CYP27B1: variants seen among roughly 807,000 people sequenced by gnomAD.
CYP27B1 encodes 25-hydroxyvitamin D-1 alpha hydroxylase, mitochondrial.
Under a neutral mutation model 54.8 loss-of-function variants are expected in CYP27B1, and 46 were observed. The observed-to-expected ratio is 0.84, with a 90% CI of 0.66 to 1.07. The LOEUF (loss-of-function observed/expected upper bound fraction) is 1.07. CYP27B1 is among the 50% of genes least tolerant of loss of function. The pLI, the probability that CYP27B1 is intolerant of heterozygous loss-of-function variation, is 0.00. For missense variants in CYP27B1, 674 were observed against 692.2 expected (o/e 0.97, Z 0.30); for synonymous variants, 292 against 297.3 (o/e 0.98, Z 0.18).
At chr12:57,766,631 G>A (rs1955363450) in intron 1 of CYP27B1, 2 of 618,368 alleles carry the variant, frequency 3.2e-6, no homozygotes, top group African/African-American at 3.7e-5. Flanking sequence ...TCAGGACAGC[G>A]AGAAGGCGCT....
In CYP27B1 at chr12:57,765,774, G is replaced by A; in HGVS notation, c.386+233C>T. On this transcript the variant is annotated intron_variant, in intron 2 of 8. Coordinates refer to ENST00000228606, the MANE Select transcript of CYP27B1 (RefSeq NM_000785.4). This position sits in a 1 kb window ranked among gnomAD's most constrained non-coding sequence, Gnocchi z 5.8. ...CTTGTACCCTAGCCCAATTCCTCCG[G>A]TTCCCCCAGTTCCCAGGATTCGGGC... 2.3e-6 allele frequency: 2 copies of A among 865,356 alleles called. No individual in the cohort carries two copies. Among genetic ancestry groups the A allele is most frequent in the Non-Finnish European group, 3.5e-6 (2 of 574,232 alleles). 53.6% of individuals were successfully genotyped at this position (865,356 alleles called of 1,614,324 possible). A position where few individuals can be genotyped will look rare whatever the true frequency, so the allele number is the denominator to read the frequency against.
chr12:57,763,082 C>CA lies in CYP27B1; in HGVS notation c.*59dup, dbSNP rs1458785705. On this transcript the variant is annotated 3_prime_UTR_variant, in exon 9 of 9. Transcript: ENST00000228606. ...GATGTATACCTTGGTCTTGTGCCTA[C>CA]AAAAAATCTTATCCCTATGATGAAT... is the stretch of plus-strand genomic sequence containing the variant. 1.6e-6 allele frequency: 2 copies of CA among 1,271,598 alleles called. No individual in the cohort carries two copies. The highest frequency in any genetic ancestry group is 1.8e-5 in the Admixed American group (1 of 55,252). 78.8% of individuals were successfully genotyped at this position (1,271,598 alleles called of 1,614,324 possible). A position where few individuals can be genotyped will look rare whatever the true frequency, so the allele number is the denominator to read the frequency against.
chr12:57,764,201 GACA>G (rs2140396430), intron 6 of CYP27B1, 25 bp from the exon 7 acceptor site: 3 of 1,600,120 alleles, frequency 1.9e-6, no homozygotes, highest in Non-Finnish European at 2.6e-6. Flanking sequence ...ACAAAATGGA[GACA>G]ACAAGATGAG....
chr12:57,763,062 A>C lies in CYP27B1; in HGVS notation c.*80T>G. 1 of 980,662 alleles carries C rather than the reference A, an allele frequency of 1.0e-6. No homozygotes were observed. The highest frequency in any genetic ancestry group is 1.4e-5 in the South Asian group (1 of 73,084). The allele number at this position is 980,662 out of a possible 1,614,324, so 60.7% of individuals were successfully genotyped here. A position where few individuals can be genotyped will look rare whatever the true frequency, so the allele number is the denominator to read the frequency against. On this transcript the variant is annotated 3_prime_UTR_variant, in exon 9 of 9. Coordinates refer to ENST00000228606, the MANE Select transcript of CYP27B1 (RefSeq NM_000785.4). ...TCAGATAGGCATTAGGGGAAGATGT[A>C]TACCTTGGTCTTGTGCCTACAAAAA...
At chr12:57,763,288 A>C (rs1421065534) in intron 8 of CYP27B1, 33 bp from the exon 9 acceptor site, 1 of 1,476,986 alleles carries the variant, frequency 6.8e-7, no homozygotes, top group African/African-American at 1.4e-5. Context: ...ATTACTATGA[A>C]AGATATCTAT....
rs1295478192 is a variant in CYP27B1, at chr12:57,765,629, A to C, written c.387-130T>G. The C allele has an allele frequency of 1.9e-6, 2 of 1,041,360 alleles. No homozygotes were observed. The highest frequency in any genetic ancestry group is 3.2e-5 in the African/African-American group (2 of 63,116). 64.5% of individuals were successfully genotyped at this position (1,041,360 alleles called of 1,614,324 possible). A position where few individuals can be genotyped will look rare whatever the true frequency, so the allele number is the denominator to read the frequency against. On this transcript the variant is annotated intron_variant, in intron 2 of 8. Coordinates refer to ENST00000228606, the MANE Select transcript of CYP27B1 (RefSeq NM_000785.4). The surrounding 1 kb of genome is among the most constrained non-coding windows in gnomAD (Gnocchi z 5.8). ...GCGTCTGCCCCCTTGGGGTACGGAA[A>C]CCTGCACCGGCCTGCGCCTGTCTTC...
At position 57,763,690 on chromosome 12, in the gene CYP27B1, G is replaced by A; in HGVS notation, c.1334C>T (p.Ser445Phe). 6.2e-7 allele frequency: 1 copy of A among 1,606,258 alleles called. No homozygotes were observed. The highest frequency in any genetic ancestry group is 1.3e-5 in the African/African-American group (1 of 74,880). The change falls in exon 8 of 9, where the codon TCT becomes TTT. Residue 445 changes from serine to phenylalanine, a missense_variant. By Grantham distance (155) the Ser-to-Phe change is radical. Transcript: ENST00000228606. Reference sequence around the variant, plus strand: ...GCGCTTGCCAAAGCCAAAGGGAAGAGATGCAAATGGGTGGGGGGTGGGACC... The same window carrying A: ...GCGCTTGCCAAAGCCAAAGGGAAGAAATGCAAATGGGTGGGGGGTGGGACC... ...GEGPTPHPFA[S>F]LPFGFGKRSC... is the part of the protein sequence containing the mutation.
Position 57,764,120 on chromosome 12 carries a change from C to T in CYP27B1, c.1193G>A (p.Gly398Asp). The change falls in exon 7 of 9, where the codon GGT (glycine) becomes GAT (aspartate). Residue 398 changes from glycine to aspartate, a missense_variant. Transcript: ENST00000228606. ...CACATTTTTGGGGATAATATAGTCA[C>T]CCACATGAATGTCTTTGTCTGGGAC... is the stretch of plus-strand genomic sequence containing the variant. ...SRVPDKDIHV[G>D]DYIIPKNTLV... The T allele has an allele frequency of 6.2e-7, 1 of 1,613,636 alleles. No individual in the cohort carries two copies. Among genetic ancestry groups the T allele is most frequent in the South Asian group, 1.1e-5 (1 of 91,076 alleles).
At position 57,763,609 on chromosome 12, in the gene CYP27B1, A is replaced by G. The variant is rs775815261; in HGVS notation, c.1413+2T>C. ...GGAAGGTATAAAATCTAGAGCACTC[A>G]CCTGGGCCAAAGCCATTTGCAATTC... On this transcript the variant is annotated splice_donor_variant, in intron 8 of 8. Coordinates refer to ENST00000228606, the MANE Select transcript of CYP27B1 (RefSeq NM_000785.4). LOFTEE classifies it high-confidence loss of function. 6 of 1,613,550 alleles carry G rather than the reference A, an allele frequency of 3.7e-6. No individual in the cohort carries two copies. The African/African-American group carries it at 8.0e-5, about 22-fold the overall frequency.
chr12:57,764,623 C>A, intron 5 of CYP27B1, 73 bp from the exon 6 acceptor site: 1 of 1,596,990 alleles, frequency 6.3e-7, no homozygotes, highest in South Asian at 1.1e-5. Context: ...ATGGAAGAGT[C>A]TGGGGCTACA....
At position 57,765,729 on chromosome 12, in the gene CYP27B1, A is replaced by C; in HGVS notation, c.387-230T>G. ...CGGGTAACTTGAGTCACAGAACCTT[A>C]CATTCATTCCATCCAGATCCTTGTA... On this transcript the variant is annotated intron_variant, in intron 2 of 8. Coordinates refer to ENST00000228606, the MANE Select transcript of CYP27B1 (RefSeq NM_000785.4). This position sits in a 1 kb window ranked among gnomAD's most constrained non-coding sequence, Gnocchi z 5.8. 1.2e-6 allele frequency: 1 copy of C among 800,088 alleles called. No individual in the cohort carries two copies. 49.6% of individuals were successfully genotyped at this position (800,088 alleles called of 1,614,324 possible). A position where few individuals can be genotyped will look rare whatever the true frequency, so the allele number is the denominator to read the frequency against.
rs752175742 is a variant in CYP27B1, at chr12:57,764,563, T to G, written c.964-13A>C. On this transcript the variant is annotated splice_polypyrimidine_tract_variant and intron_variant, in intron 5 of 8. Transcript: ENST00000228606. ...GCGTGTTGGACACCTGAAAAACATGTGAAAGCAAGAGAGGTGTTGGGTGTG... is the reference window on the plus strand; with the variant it reads ...GCGTGTTGGACACCTGAAAAACATGGGAAAGCAAGAGAGGTGTTGGGTGTG... The G allele has an allele frequency of 1.2e-6, 2 of 1,613,718 alleles. No homozygotes were observed.
intron 4 of CYP27B1, 24 bp downstream of exon 4, chr12:57,764,987 T>C: frequency 5.6e-6 from 9 of 1,613,830 alleles, no homozygotes; most frequent in South Asian, 1.1e-5. Context: ...CATTCCCCCA[T>C]TTCCACCTCG....
Position 57,763,757 on chromosome 12 carries a change from G to A in CYP27B1, c.1267C>T (p.Pro423Ser). Residue 423 changes from proline (P) to serine (S), a missense_variant, in exon 8 of 9, where the codon CCA becomes TCA. By Grantham distance (74) the Pro-to-Ser change is moderately conservative. Transcript: ENST00000228606. ...YATSRDPAQF[P>S]EPNSFRPARW... ...GCTGGACGAAAAGAATTTGGCTCTG[G>A]GAACTGGGCAGGGTCCCTTGAAGTG... 1.2e-6 allele frequency: 2 copies of A among 1,614,192 alleles called. No homozygotes were observed. The highest frequency in any genetic ancestry group is 1.7e-6 in the Non-Finnish European group (2 of 1,180,006).
chr12:57,763,859 CA>C, intron 7 of CYP27B1, 51 bp from the exon 8 acceptor site: 1 of 1,566,730 alleles, frequency 6.4e-7, no homozygotes, highest in East Asian at 2.2e-5. Context: ...ATAGGGCAGG[CA>C]TGAAGAAGAG....
At position 57,764,773 on chromosome 12, in the gene CYP27B1, A is replaced by G. The variant is rs1359284555; in HGVS notation, c.944T>C (p.Leu315Pro). The change falls in exon 5 of 9, where the codon CTA becomes CCA. Residue 315 changes from leucine to proline, a missense_variant. Physicochemically the swap from Leu to Pro is moderately conservative, Grantham distance 98 (BLOSUM62 -3). Transcript: ENST00000228606. The stretch of plus-strand genomic sequence containing the variant: ...CCTCACCGTGTCCACTCCCGCCAAT[A>G]GCAACTCTGTCACATTTCCCAGGAT... ...QSILGNVTEL[L>P]LAGVDTVSNT... 2 of 1,614,140 alleles carry G rather than the reference A, an allele frequency of 1.2e-6. No individual in the cohort carries two copies. Among genetic ancestry groups the G allele is most frequent in the Non-Finnish European group, 8.5e-7 (1 of 1,180,020 alleles).
chr12:57,765,695 C>T lies in CYP27B1; in HGVS notation c.387-196G>A, dbSNP rs1309251609. 4 of 836,818 alleles carry T rather than the reference C, an allele frequency of 4.8e-6. No individual in the cohort carries two copies. Among genetic ancestry groups the T allele is most frequent in the East Asian group, 5.3e-5 (2 of 37,556 alleles). 51.8% of individuals were successfully genotyped at this position (836,818 alleles called of 1,614,324 possible). On this transcript the variant is annotated intron_variant, in intron 2 of 8. Transcript: ENST00000228606. The surrounding 1 kb of genome is among the most constrained non-coding windows in gnomAD (Gnocchi z 5.8). Reference sequence around the variant, plus strand: ...TTACTCATTTCCTGCCCTCAGGGGCCGGGGTTCCCGGGTAACTTGAGTCAC... The same window carrying T: ...TTACTCATTTCCTGCCCTCAGGGGCTGGGGTTCCCGGGTAACTTGAGTCAC...
Position 57,764,042 on chromosome 12 carries a change from G to T in CYP27B1, c.1215+56C>A. On this transcript the variant is annotated intron_variant, in intron 7 of 8. Coordinates refer to ENST00000228606, the MANE Select transcript of CYP27B1 (RefSeq NM_000785.4). ...TAGGAGAGTGTTTGAGAACAGGGTT[G>T]GGGCCCAAGATAGTGAGGAATGGCT... The T allele has an allele frequency of 2.1e-6, 3 of 1,429,788 alleles. No individual in the cohort carries two copies. In the Admixed American group the frequency reaches 5.0e-5, roughly 24 times the overall value. 88.6% of individuals were successfully genotyped at this position (1,429,788 alleles called of 1,614,324 possible). A position where few individuals can be genotyped will look rare whatever the true frequency, so the allele number is the denominator to read the frequency against.
At position 57,765,204 on chromosome 12, in the gene CYP27B1, G is replaced by T; in HGVS notation, c.597C>A (p.Ala199=). The T allele has an allele frequency of 6.2e-7, 1 of 1,612,682 alleles. No individual in the cohort carries two copies. Among genetic ancestry groups the T allele is most frequent in the Non-Finnish European group, 8.5e-7 (1 of 1,179,510 alleles). ...EFYKFGLEGI[A]AVLLGSRLGC... ...CCAAGCGCGAGCCGAGCAGAACCGC[G>T]GCGATGCCTTGTCGGGAGGGGGCGC... The change falls in exon 4 of 9, where the codon GCC becomes GCA. Residue 199 remains alanine (A), a synonymous_variant. Transcript: ENST00000228606. The surrounding 1 kb of genome is among the most constrained non-coding windows in gnomAD (Gnocchi z 5.8).
Sources: allele counts gnomAD v4.1 joint callset, GRCh38; gene constraint gnomAD v4.1.1; non-coding constraint Gnocchi (gnomAD v3.1); transcripts MANE v1.5; gene names NCBI Gene and HGNC (gene_info 2026-07-23, HGNC 2026-07-21).